TASP1: variants seen among roughly 807,000 people sequenced by gnomAD.
TASP1 encodes threonine aspartase 1.
A neutral mutation model predicts 56.6 loss-of-function variants in TASP1; 16 were observed. That is an observed-to-expected ratio of 0.28 (90% CI 0.19 to 0.43). The LOEUF (loss-of-function observed/expected upper bound fraction) is 0.43. Among genes scored for constraint, TASP1 ranks in the 20% least tolerant of loss-of-function variants. The pLI is 1.00. For missense variants in TASP1, 393 were observed against 511.6 expected (o/e 0.77, Z 2.24); for synonymous variants, 179 against 184.2 (o/e 0.97, Z 0.23).
chr20:13,229,836 CTCTCTCT>C, the TASP1 span, among the ~76,000 whole-genome samples: 1 of 152,128 alleles, frequency 6.6e-6, no homozygotes, highest in Non-Finnish European at 1.5e-5. Context: ...AGAAATCCCT[CTCTCTCT>C]TCTGTTGGCC....
the TASP1 span, among the ~76,000 whole-genome samples, chr20:13,105,261 C>T: frequency 5.9e-5 from 8 of 135,956 alleles, no homozygotes; most frequent in African/African-American, 2.5e-4. Context: ...TCATCCCCTG[C>T]AGGAGGAAAA....
intron 11 of TASP1, among the ~76,000 whole-genome samples, chr20:13,443,947 C>G (rs146044958): frequency 4.2e-4 from 64 of 152,276 alleles, no homozygotes; most frequent in African/African-American, 1.5e-3. Flanking sequence ...CCACAGATGT[C>G]CACAACACAC....
chr20:13,245,909 G>A, the TASP1 span, among the ~76,000 whole-genome samples: 1 of 151,990 alleles, frequency 6.6e-6, no homozygotes, highest in Non-Finnish European at 1.5e-5. Context: ...ACTATTCCTT[G>A]TACCCGCCCA....
At chr20:13,630,664 G>A (rs1393945678) in intron 1 of TASP1, among the ~76,000 whole-genome samples, 2 of 136,910 alleles carry the variant, frequency 1.5e-5, no homozygotes, top group Non-Finnish European at 3.0e-5. Context: ...ACTCCAGCCT[G>A]GGCAACAAAG....
At chr20:13,125,346 AT>A in the TASP1 span, among the ~76,000 whole-genome samples, 5 of 152,266 alleles carry the variant, frequency 3.3e-5, 1 homozygote, top group South Asian at 8.3e-4. Context: ...CAAAATTCCA[AT>A]AGTTCTCTGC....
the TASP1 span, among the ~76,000 whole-genome samples, chr20:13,216,134 C>A: frequency 1.3e-5 from 2 of 152,198 alleles, no homozygotes; most frequent in Non-Finnish European, 2.9e-5. Context: ...ATGAGGCAAA[C>A]AAGCACACTG....
At chr20:13,554,621 C>T (rs2046095375) in intron 8 of TASP1, among the ~76,000 whole-genome samples, 1 of 151,750 alleles carries the variant, frequency 6.6e-6, no homozygotes, top group African/African-American at 2.4e-5. Flanking sequence ...TCGTTCCAGA[C>T]CACCACAATA....
chr20:13,604,496 T>C (rs2048073915), intron 4 of TASP1, among the ~76,000 whole-genome samples: 1 of 152,200 alleles, frequency 6.6e-6, no homozygotes, highest in African/African-American at 2.4e-5. Context: ...GTCATGCTTG[T>C]ATAGCCTGCA....
chr20:13,444,383 C>G (rs1433602669), intron 11 of TASP1, among the ~76,000 whole-genome samples: 6 of 152,080 alleles, frequency 3.9e-5, no homozygotes, highest in African/African-American at 1.4e-4. Context: ...TTCCTATGCG[C>G]CAAATCACTT....
the TASP1 span, among the ~76,000 whole-genome samples, chr20:13,163,086 G>C: frequency 1.3e-5 from 2 of 152,126 alleles, no homozygotes; most frequent in Non-Finnish European, 2.9e-5. Context: ...AATGAATAGA[G>C]GTCGGGCGCA....
intron 13 of TASP1, among the ~76,000 whole-genome samples, chr20:13,396,183 A>G (rs2041529227): frequency 6.6e-6 from 1 of 151,958 alleles, no homozygotes; most frequent in Non-Finnish European, 1.5e-5. Flanking sequence ...ACCCACCCCT[A>G]TCCTTTTCCC....
At chr20:13,352,336 G>C in the TASP1 span, among the ~76,000 whole-genome samples, 1 of 151,472 alleles carries the variant, frequency 6.6e-6, no homozygotes, top group Admixed American at 6.6e-5. Flanking sequence ...TGTAATCCCA[G>C]ATACTTGGGA....
chr20:13,298,401 C>G, the TASP1 span, among the ~76,000 whole-genome samples: 4 of 152,320 alleles, frequency 2.6e-5, no homozygotes, highest in African/African-American at 9.6e-5. Flanking sequence ...CAGGCATATG[C>G]CACCGTGCCT....
At chr20:13,217,099 C>T in the TASP1 span, among the ~76,000 whole-genome samples, 3 of 152,176 alleles carry the variant, frequency 2.0e-5, no homozygotes, top group Admixed American at 2.0e-4. Flanking sequence ...TGTTTTAAAG[C>T]TCAGATTCAA....
chr20:13,624,810 A>G (rs986684795), intron 3 of TASP1, among the ~76,000 whole-genome samples: 13 of 152,110 alleles, frequency 8.5e-5, no homozygotes, highest in African/African-American at 2.4e-4. Context: ...AAAGTATAGG[A>G]AAGTACCCAT....
chr20:13,142,501 AG>A, the TASP1 span, among the ~76,000 whole-genome samples: 1 of 152,330 alleles, frequency 6.6e-6, no homozygotes, highest in Non-Finnish European at 1.5e-5. Flanking sequence ...GGGGAGGATT[AG>A]GCAGGTGGAT....
chr20:13,609,201 T>A (rs1209426678), intron 4 of TASP1, among the ~76,000 whole-genome samples: 1 of 152,124 alleles, frequency 6.6e-6, no homozygotes, highest in Admixed American at 6.5e-5. Context: ...ATATCCAATA[T>A]CATGATCATC....
chr20:13,429,281 A>C (rs756031995), intron 12 of TASP1, among the ~76,000 whole-genome samples: 1 of 152,166 alleles, frequency 6.6e-6, no homozygotes, highest in African/African-American at 2.4e-5. Flanking sequence ...TTCACATTTG[A>C]TCAGGGTTTT....
chr20:13,173,636 C>T, the TASP1 span, among the ~76,000 whole-genome samples: 45 of 152,122 alleles, frequency 3.0e-4, no homozygotes, highest in Non-Finnish European at 5.1e-4. Context: ...TAAGTCTGGC[C>T]CATATGCTCC....
Sources: gnomAD v4.1 joint callset for allele counts (sites outside exome capture counted in the v4.1 genomes callset) on GRCh38, gnomAD v4.1.1 for gene constraint, MANE v1.5 for transcripts, NCBI Gene and HGNC (gene_info 2026-07-23, HGNC 2026-07-21) for gene names.